DAB1: variants seen among roughly 807,000 people sequenced by gnomAD.
DAB1 encodes disabled homolog 1.
Under a neutral mutation model 64.6 loss-of-function variants are expected in DAB1, and 15 were observed. The ratio of observed to expected loss-of-function variants is 0.23; its 90% CI spans 0.16 to 0.36. DAB1 has a LOEUF of 0.36. Among genes scored for constraint, DAB1 ranks in the 10% least tolerant of loss-of-function variants. The pLI is 1.00. For missense variants in DAB1, 596 were observed against 706.7 expected (o/e 0.84, Z 1.78); for synonymous variants, 235 against 251.9 (o/e 0.93, Z 0.64).
At chr1:57,316,472 G>A (rs1675218744) in intron 1 of DAB1, among the ~76,000 whole-genome samples, 1 of 152,074 alleles carries the variant, frequency 6.6e-6, no homozygotes, top group Non-Finnish European at 1.5e-5. Context: ...CCAGGCTACA[G>A]AAGGTGTTTC....
chr1:58,481,120 G>A (rs576005631), intron 3 of DAB1: 19 of 871,680 alleles, frequency 2.2e-5, no homozygotes, highest in South Asian at 3.9e-5. Flanking sequence ...AATAGTAATC[G>A]AGGGTCTGGA....
At chr1:57,110,730 A>G (rs1193904597) in intron 4 of DAB1, among the ~76,000 whole-genome samples, 3 of 152,240 alleles carry the variant, frequency 2.0e-5, no homozygotes, top group African/African-American at 7.2e-5. Context: ...ATTTACATCT[A>G]TTGACTCCTT....
At chr1:57,808,404 T>C (rs922336907) in intron 6 of DAB1, among the ~76,000 whole-genome samples, 13 of 152,142 alleles carry the variant, frequency 8.5e-5, no homozygotes, top group African/African-American at 2.9e-4. Context: ...ACTGATAGCT[T>C]CCTCCACCAG....
At chr1:57,688,522 C>T (rs1256711140) in intron 6 of DAB1, among the ~76,000 whole-genome samples, 4 of 152,110 alleles carry the variant, frequency 2.6e-5, no homozygotes, top group African/African-American at 9.7e-5. Context: ...TCTCAAAGAA[C>T]TGAAAACAGA....
chr1:58,260,625 C>G (rs1661027365), intron 4 of DAB1, among the ~76,000 whole-genome samples: 1 of 152,236 alleles, frequency 6.6e-6, no homozygotes, highest in South Asian at 2.1e-4. Context: ...CCAGCCAAAC[C>G]AAACCCCTGC....
chr1:58,321,293 A>G (rs1662675955), intron 4 of DAB1, among the ~76,000 whole-genome samples: 1 of 152,150 alleles, frequency 6.6e-6, no homozygotes, highest in African/African-American at 2.4e-5. Flanking sequence ...TTCTCTTAAT[A>G]TTCATCATTC....
intron 5 of DAB1, among the ~76,000 whole-genome samples, chr1:58,035,898 C>A (rs80173862): frequency 0.019 from 2,953 of 152,302 alleles, 82 homozygotes; most frequent in African/African-American, 0.064. Context: ...GCTTGAAGGG[C>A]TGCTTACAGA....
At chr1:58,117,989 C>T (rs756982907) in intron 5 of DAB1, among the ~76,000 whole-genome samples, 39 of 151,698 alleles carry the variant, frequency 2.6e-4, no homozygotes, top group Admixed American at 1.4e-3. Flanking sequence ...ACTATAGCCT[C>T]GACTTCCCAG....
chr1:57,548,495 T>C (rs1644879957), intron 7 of DAB1, among the ~76,000 whole-genome samples: 1 of 152,224 alleles, frequency 6.6e-6, no homozygotes, highest in East Asian at 1.9e-4. Context: ...TCTACACTTT[T>C]AGCTATGAAA....
intron 6 of DAB1, among the ~76,000 whole-genome samples, chr1:57,682,221 T>C (rs1326983204): frequency 6.6e-6 from 1 of 151,448 alleles, no homozygotes; most frequent in Non-Finnish European, 1.5e-5. Flanking sequence ...ATTGCAACCA[T>C]TAAACATAAG....
At chr1:57,937,470 G>T (rs1455790804) in intron 5 of DAB1, among the ~76,000 whole-genome samples, 1 of 152,100 alleles carries the variant, frequency 6.6e-6, no homozygotes, top group Non-Finnish European at 1.5e-5. Flanking sequence ...TAGAGCAACT[G>T]GGAACTCCCA....
At chr1:57,563,657 C>T (rs183987499) in intron 7 of DAB1, among the ~76,000 whole-genome samples, 129 of 152,248 alleles carry the variant, frequency 8.5e-4, no homozygotes, top group African/African-American at 1.8e-3. Context: ...GCACCTGGCT[C>T]GGAGGGTCCC....
At chr1:58,096,686 G>T (rs908149928) in intron 5 of DAB1, among the ~76,000 whole-genome samples, 5 of 152,210 alleles carry the variant, frequency 3.3e-5, no homozygotes, top group African/African-American at 1.2e-4. Flanking sequence ...AGGAAACTAA[G>T]AAGAAAGTGT....
chr1:57,893,420 A>G (rs1644346829), intron 5 of DAB1, among the ~76,000 whole-genome samples: 1 of 152,144 alleles, frequency 6.6e-6, no homozygotes, highest in Non-Finnish European at 1.5e-5. Flanking sequence ...GATACTCCAG[A>G]GGCAACTCAA....
chr1:57,610,360 T>G (rs1645711103), intron 7 of DAB1, among the ~76,000 whole-genome samples: 1 of 152,194 alleles, frequency 6.6e-6, no homozygotes, highest in African/African-American at 2.4e-5. Flanking sequence ...TGTACACATG[T>G]TGATTCATTT....
chr1:58,494,337 C>A (rs1645754647), intron 3 of DAB1, among the ~76,000 whole-genome samples: 1 of 151,802 alleles, frequency 6.6e-6, no homozygotes, highest in Non-Finnish European at 1.5e-5. Context: ...CTAGGCAATA[C>A]CATTCAGGAC....
chr1:58,086,685 C>A (rs1650334219), intron 5 of DAB1, among the ~76,000 whole-genome samples: 1 of 151,908 alleles, frequency 6.6e-6, no homozygotes, highest in East Asian at 2.0e-4. Context: ...CATGTTCTCA[C>A]ATACCAGGGA....
intron 4 of DAB1, among the ~76,000 whole-genome samples, chr1:58,175,834 A>G (rs1656442226): frequency 6.6e-6 from 1 of 152,190 alleles, no homozygotes; most frequent in Non-Finnish European, 1.5e-5. Flanking sequence ...TATTATCTCT[A>G]CTGAAGTTGC....
intron 1 of DAB1, among the ~76,000 whole-genome samples, chr1:57,372,582 A>G (rs1450313936): frequency 2.6e-5 from 4 of 151,844 alleles, no homozygotes; most frequent in Non-Finnish European, 5.9e-5. Flanking sequence ...TTTACACAGC[A>G]TGTTTTGGCA....
Sources: gnomAD v4.1 joint callset for allele counts (sites outside exome capture counted in the v4.1 genomes callset) on GRCh38, gnomAD v4.1.1 for gene constraint, MANE v1.5 for transcripts, NCBI Gene and HGNC (gene_info 2026-07-23, HGNC 2026-07-21) for gene names.